Variants in COL17A1 observed in about 807,000 individuals in gnomAD.
The protein encoded by COL17A1 is collagen type XVII alpha 1 chain.
In COL17A1, 181 loss-of-function variants were observed where a neutral mutation model predicts 218.4. That is an observed-to-expected ratio of 0.83 (90% CI 0.73 to 0.94). COL17A1 has a LOEUF of 0.94. COL17A1 is among the 40% of genes least tolerant of loss of function. COL17A1 has a pLI of 0.00. For synonymous variants in COL17A1, 721 were observed against 731.0 expected (o/e 0.99, Z 0.22); for missense variants, 1,924 against 1,945.9 (o/e 0.99, Z 0.21).
intron 6 of COL17A1, chr10:104,073,819 A>G: frequency 3.3e-6 from 1 of 303,532 alleles, no homozygotes; most frequent in Non-Finnish European, 6.3e-6. Flanking sequence ...GATGCCTGGC[A>G]TTTGTGTGTT....
chr10:104,067,379 C>A (rs1341109174), intron 9 of COL17A1, among the ~76,000 whole-genome samples: 1 of 147,924 alleles, frequency 6.8e-6, no homozygotes, highest in East Asian at 2.0e-4. Flanking sequence ...ATCCAGAGGA[C>A]CTAGTAGGGC....
chr10:104,077,519 C>G lies in COL17A1; in HGVS notation c.105G>C (p.Gly35=). 5 of 1,611,262 alleles carry G rather than the reference C, an allele frequency of 3.1e-6. No homozygotes were observed. Among genetic ancestry groups the G allele is most frequent in the Non-Finnish European group, 4.2e-6 (5 of 1,178,974 alleles). Residue 35 remains glycine, a synonymous_variant, in exon 4 of 56, where the codon GGG becomes GGC. Transcript: ENST00000648076. ...TRLTSLPPKG[G]TSNGYAKTAS... is the part of the protein sequence containing the mutation. ...CTGTTTTAGCATAGCCATTGCTGGT[C>G]CCGCCTTCTGCCAGGAACAAAAGCA... is the stretch of plus-strand genomic sequence containing the variant.
rs1821519956 is a variant in COL17A1 at position 104,062,305 on chromosome 10, G to A, written c.863C>T (p.Ala288Val). Reference protein sequence around the residue: ...SSVFGMQNNLAPSLTTLSHGT... With the variant: ...SSVFGMQNNLVPSLTTLSHGT... ...ATGGGACAGGGTGGTCAAGCTGGGG[G>A]CCAGATTGTTCTGCATGCCAAACAC... is the stretch of plus-strand genomic sequence containing the variant. Residue 288 changes from alanine (A) to valine (V), a missense_variant, in exon 12 of 56, where the codon GCC (alanine) becomes GTC (valine). By Grantham distance (64) the Ala-to-Val change is moderately conservative. Coordinates refer to ENST00000648076, the MANE Select transcript of COL17A1 (RefSeq NM_000494.4). 2 of 1,614,110 alleles carry A rather than the reference G, an allele frequency of 1.2e-6. No individual in the cohort carries two copies. The highest frequency in any genetic ancestry group is 1.7e-6 in the Non-Finnish European group (2 of 1,180,040).
chr10:104,041,970 C>T (rs976361970), intron 36 of COL17A1, among the ~76,000 whole-genome samples: 1 of 152,176 alleles, frequency 6.6e-6, no homozygotes, highest in Non-Finnish European at 1.5e-5. Flanking sequence ...AGACCAAGCT[C>T]CTAACACAGT....
At chr10:104,076,182 G>T (rs2086708367) in intron 5 of COL17A1, 119 bp downstream of exon 5, 1 of 1,484,608 alleles carries the variant, frequency 6.7e-7, no homozygotes. Flanking sequence ...AGAAATGAAG[G>T]AGGAGTGGGG....
At position 104,033,310 on chromosome 10, in the gene COL17A1, CCT is replaced by C. The variant is rs771043078; in HGVS notation, c.4220_4221del (p.Gln1407ArgfsTer47). 1 of 1,606,362 alleles carries C rather than the reference CCT, an allele frequency of 6.2e-7. No homozygotes were observed. The highest frequency in any genetic ancestry group is 8.5e-7 in the Non-Finnish European group (1 of 1,176,540). ...VQGPPGQPGP[Q>X]GPPGISKVFS... ...AAGACCTTGCTGATGCCGGGTGGCC[CCT>C]GTGGCCCAGGCTGGCCTGGTGGGCC... is the stretch of plus-strand genomic sequence containing the variant. On this transcript the variant is annotated frameshift_variant, in exon 53 of 56. Coordinates refer to ENST00000648076, the MANE Select transcript of COL17A1 (RefSeq NM_000494.4). LOFTEE classifies it high-confidence loss of function.
In COL17A1 at chr10:104,039,658, G is replaced by T; in HGVS notation, c.2789-18C>A. On this transcript the variant is annotated intron_variant, in intron 41 of 55. Transcript: ENST00000648076. The stretch of plus-strand genomic sequence containing the variant: ...TTGCTCGCCTGAGGAACACACCAAG[G>T]GAGGGACAGTCAGCCTCACTTTTCT... 6.2e-7 allele frequency: 1 copy of T among 1,614,036 alleles called. No homozygotes were observed. The highest frequency in any genetic ancestry group is 8.5e-7 in the Non-Finnish European group (1 of 1,180,006).
At position 104,075,347 on chromosome 10, in the gene COL17A1, T is replaced by C. The variant is rs141742426; in HGVS notation, c.331+954A>G. 3.4e-3 allele frequency among the ~76,000 whole-genome samples: 512 copies of C among 151,540 alleles called. 2 individuals carry two copies. Among genetic ancestry groups the C allele is most frequent in the African/African-American group, 0.011 (467 of 41,252 alleles). Reference sequence around the variant, plus strand: ...AATTAGCTGGATTCATCAAGTGGAGTCATCCATCTAATTCCCTGTTTCAGT... The same window carrying C: ...AATTAGCTGGATTCATCAAGTGGAGCCATCCATCTAATTCCCTGTTTCAGT... On this transcript the variant is annotated intron_variant, in intron 5 of 55. Coordinates refer to ENST00000648076, the MANE Select transcript of COL17A1 (RefSeq NM_000494.4).
At chr10:104,078,449 C>T in intron 3 of COL17A1, 93 bp downstream of exon 3, 1 of 1,552,906 alleles carries the variant, frequency 6.4e-7, no homozygotes, top group Non-Finnish European at 8.8e-7. Flanking sequence ...AAAAAGATGT[C>T]AAAAATTTTG....
intron 52 of COL17A1, 47 bp from the exon 53 acceptor site, chr10:104,033,422 A>ACC (rs1455054779): frequency 6.3e-7 from 1 of 1,597,434 alleles, no homozygotes; most frequent in Non-Finnish European, 8.5e-7. Context: ...ATCTCCCAGT[A>ACC]CCCTCTTCAG....
intron 23 of COL17A1, 39 bp from the exon 24 acceptor site, chr10:104,052,256 C>T (rs1287071025): frequency 1.3e-5 from 21 of 1,613,012 alleles, no homozygotes; most frequent in Admixed American, 1.7e-5. Flanking sequence ...TGGGAGAGGC[C>T]CCAGTGTGGC....
chr10:104,033,139 A>G, intron 53 of COL17A1, 99 bp downstream of exon 53: 1 of 1,536,206 alleles, frequency 6.5e-7, no homozygotes, highest in South Asian at 1.2e-5. Flanking sequence ...CTCAAATGTT[A>G]ATAACTGGAG....
At chr10:104,032,329 T>C (rs1394526615) in intron 55 of COL17A1, 39 bp from the exon 56 acceptor site, 1 of 1,578,574 alleles carries the variant, frequency 6.3e-7, no homozygotes, top group Admixed American at 1.7e-5. Flanking sequence ...AAAACATATC[T>C]TGTGGCCTGT....
At chr10:104,054,883 T>A in intron 20 of COL17A1, 98 bp downstream of exon 20, 3 of 1,577,200 alleles carry the variant, frequency 1.9e-6, no homozygotes, top group Non-Finnish European at 2.6e-6. Flanking sequence ...GTCAAATTAC[T>A]TCTTGGAGTG....
At position 104,037,038 on chromosome 10, in the gene COL17A1, G is replaced by A. The variant is rs1041220358; in HGVS notation, c.3277+7C>T. 21 of 1,601,934 alleles carry A rather than the reference G, an allele frequency of 1.3e-5. No individual in the cohort carries two copies. Among genetic ancestry groups the A allele is most frequent in the African/African-American group, 4.0e-5 (3 of 74,746 alleles). On this transcript the variant is annotated splice_region_variant and intron_variant, in intron 47 of 55. Transcript: ENST00000648076. ...TCCCACCCTCGATCCCCCCACAGGTGACTCACGCTGCAGCACAGCCAGAAT... is the reference window on the plus strand; with the variant it reads ...TCCCACCCTCGATCCCCCCACAGGTAACTCACGCTGCAGCACAGCCAGAAT...
chr10:104,073,944 A>T (rs1354598138), intron 6 of COL17A1: 3 of 524,768 alleles, frequency 5.7e-6, no homozygotes, highest in Non-Finnish European at 1.0e-5. Flanking sequence ...CCTTATATAT[A>T]GCTTACCATT....
Position 104,055,792 on chromosome 10 carries a change from T to C in COL17A1, c.1677A>G (p.Glu559=), listed in dbSNP as rs756436767. The C allele has an allele frequency of 6.2e-7, 1 of 1,614,096 alleles. No individual in the cohort carries two copies. The highest frequency in any genetic ancestry group is 1.1e-5 in the South Asian group (1 of 91,082). The part of the protein sequence containing the change: ...WMFVRKKLMM[E]QENGNLRGSP... ...CGGCGATGCTCTCACCATTTTCCTG[T>C]TCCATCATTAGCTTCTTCCTCACGA... Residue 559 remains glutamate, a synonymous_variant, in exon 18 of 56, where the codon GAA becomes GAG. Transcript: ENST00000648076.
intron 42 of COL17A1, 41 bp downstream of exon 42, chr10:104,039,567 G>T (rs746212184): frequency 1.2e-6 from 2 of 1,614,118 alleles, no homozygotes; most frequent in East Asian, 4.5e-5. Context: ...GTTTGGAGAG[G>T]CTCTGGCCAG....
chr10:104,050,811 G>A, intron 26 of COL17A1, 37 bp downstream of exon 26: 1 of 1,614,082 alleles, frequency 6.2e-7, no homozygotes, highest in East Asian at 2.2e-5. Flanking sequence ...GTGTCCATCA[G>A]ACCCTCACTG....
Sources: allele counts gnomAD v4.1 joint callset (sites outside exome capture counted in the v4.1 genomes callset), GRCh38; gene constraint gnomAD v4.1.1; transcripts MANE v1.5; gene names NCBI Gene and HGNC (gene_info 2026-07-23, HGNC 2026-07-21).